KCNK2: variants seen among roughly 807,000 people sequenced by gnomAD.
KCNK2 encodes the protein potassium channel subfamily K member 2.
Under a neutral mutation model 40.5 loss-of-function variants are expected in KCNK2, and 21 were observed. That is an observed-to-expected ratio of 0.52 (90% CI 0.37 to 0.75). The LOEUF (loss-of-function observed/expected upper bound fraction) is 0.75, where lower values mean the gene tolerates loss of function less well. Among genes scored for constraint, KCNK2 ranks in the 30% least tolerant of loss-of-function variants. KCNK2 has a pLI of 0.00. For missense variants in KCNK2, 399 were observed against 531.6 expected (o/e 0.75, Z 2.45); for synonymous variants, 191 against 202.2 (o/e 0.94, Z 0.47).
At chr1:215,020,104 T>G (rs1447778984) in intron 1 of KCNK2, among the ~76,000 whole-genome samples, 3 of 152,190 alleles carry the variant, frequency 2.0e-5, no homozygotes, top group Admixed American at 2.0e-4. Flanking sequence ...TTCTACCATT[T>G]CTGCCAAACC....
Position 215,235,251 on chromosome 1 carries a change from G to A in KCNK2, c.*106G>A. On this transcript the variant is annotated 3_prime_UTR_variant, in exon 7 of 7. Coordinates refer to ENST00000444842, the MANE Select transcript of KCNK2 (RefSeq NM_001017425.3). ...TTAAATTGTGCATGAGCTCAAAGGG[G>A]GAACAAAATAGATACACCCATCATG... 1 of 906,514 alleles carries A rather than the reference G, an allele frequency of 1.1e-6. No individual in the cohort carries two copies. Among genetic ancestry groups the A allele is most frequent in the Non-Finnish European group, 1.7e-6 (1 of 602,008 alleles). The allele number at this position is 906,514 out of a possible 1,614,324, so 56.2% of individuals were successfully genotyped here.
rs138414671 is a variant in KCNK2 at position 215,109,566 on chromosome 1, T to TTG, written c.358-15050_358-15049dup. The stretch of plus-strand genomic sequence containing the variant: ...ATTCTTTTTCATTGTTGAGTATTAT[T>TTG]TGTGTGTGTGTGTGTGTGCGTGCAT... On this transcript the variant is annotated intron_variant, in intron 2 of 6. Coordinates refer to ENST00000444842, the MANE Select transcript of KCNK2 (RefSeq NM_001017425.3). 2.8e-3 allele frequency among the ~76,000 whole-genome samples: 421 copies of TTG among 150,050 alleles called. 3 individuals carry two copies. The highest frequency in any genetic ancestry group is 8.7e-3 in the African/African-American group (359 of 41,120).
At chr1:215,060,270 G>A (rs772406220) in intron 1 of KCNK2, among the ~76,000 whole-genome samples, 55 of 152,234 alleles carry the variant, frequency 3.6e-4, no homozygotes, top group Middle Eastern at 3.4e-3. Context: ...AGGAGTCAAG[G>A]GGAGATGCTA....
chr1:215,045,075 T>C (rs1657721137), intron 1 of KCNK2, among the ~76,000 whole-genome samples: 1 of 151,928 alleles, frequency 6.6e-6, no homozygotes, highest in East Asian at 1.9e-4. Context: ...CCCAGCTTAC[T>C]CCTGAGGCTG....
chr1:215,201,880 C>T (rs1310106255), intron 6 of KCNK2, among the ~76,000 whole-genome samples: 1 of 151,986 alleles, frequency 6.6e-6, no homozygotes, highest in Non-Finnish European at 1.5e-5. Flanking sequence ...TTTCTTCTTC[C>T]CACCCTCCAT....
intron 3 of KCNK2, 83 bp downstream of exon 3, chr1:215,124,833 G>C (rs1266908068): frequency 1.5e-5 from 12 of 820,048 alleles, no homozygotes; most frequent in Non-Finnish European, 2.3e-5. Context: ...TGTATAGTTG[G>C]GCAAAATGAT....
intron 6 of KCNK2, among the ~76,000 whole-genome samples, chr1:215,220,403 T>G (rs1488560876): frequency 1.3e-5 from 2 of 152,186 alleles, no homozygotes; most frequent in East Asian, 1.9e-4. Flanking sequence ...CTGCTTGGTT[T>G]CTGACACTAT....
intron 3 of KCNK2, among the ~76,000 whole-genome samples, chr1:215,140,601 G>T (rs1662130712): frequency 6.6e-6 from 1 of 152,102 alleles, no homozygotes; most frequent in African/African-American, 2.4e-5. Context: ...CCTAAACATA[G>T]AAAAGATGCA....
intron 3 of KCNK2, among the ~76,000 whole-genome samples, chr1:215,163,040 T>C (rs1420203217): frequency 2.0e-5 from 3 of 152,222 alleles, no homozygotes; most frequent in African/African-American, 7.2e-5. Flanking sequence ...TTTCACAATA[T>C]TGATTCTTCC....
At chr1:215,030,199 C>T (rs1354992400) in intron 1 of KCNK2, among the ~76,000 whole-genome samples, 1 of 152,184 alleles carries the variant, frequency 6.6e-6, no homozygotes, top group Admixed American at 6.5e-5. Context: ...ATTTGTGTAT[C>T]TTCTCTGATG....
At chr1:215,133,063 G>A (rs1330221181) in intron 3 of KCNK2, among the ~76,000 whole-genome samples, 1 of 152,054 alleles carries the variant, frequency 6.6e-6, no homozygotes, top group Non-Finnish European at 1.5e-5. Flanking sequence ...TTTGGTAACA[G>A]GAGAAAACAT....
rs1408770204 is a variant in KCNK2, at chr1:215,124,745, C to G, written c.470C>G (p.Thr157Ser). 2 of 1,563,508 alleles carry G rather than the reference C, an allele frequency of 1.3e-6. No homozygotes were observed. The highest frequency in any genetic ancestry group is 1.8e-6 in the Non-Finnish European group (2 of 1,134,236). Residue 157 changes from threonine to serine, a missense_variant, in exon 3 of 7, where the codon ACC (threonine) becomes AGC (serine). By Grantham distance (58) the Thr-to-Ser change is moderately conservative. This residue lies in a region of KCNK2 where 279 missense variants were observed against 353.8 expected (regional missense o/e 0.79). Coordinates refer to ENST00000444842, the MANE Select transcript of KCNK2 (RefSeq NM_001017425.3). Reference sequence around the variant, plus strand: ...TTCTTTGCTGGCACTGTTATTACAACCATAGGTAGGAGACAACTTATTTTT... The same window carrying G: ...TTCTTTGCTGGCACTGTTATTACAAGCATAGGTAGGAGACAACTTATTTTT... ...SFFFAGTVIT[T>S]IGFGNISPRT...
At chr1:215,109,188 A>G (rs970254336) in intron 2 of KCNK2, among the ~76,000 whole-genome samples, 1 of 152,022 alleles carries the variant, frequency 6.6e-6, no homozygotes, top group African/African-American at 2.4e-5. Context: ...AGTGTCTATC[A>G]TTTTTGTGTG....
intron 3 of KCNK2, among the ~76,000 whole-genome samples, chr1:215,132,460 T>G (rs2102590860): frequency 6.6e-6 from 1 of 152,238 alleles, no homozygotes; most frequent in East Asian, 1.9e-4. Flanking sequence ...TGAGGTTCTC[T>G]CAGGCAGCTT....
chr1:215,076,921 G>C (rs898121629), intron 1 of KCNK2, among the ~76,000 whole-genome samples: 3 of 152,202 alleles, frequency 2.0e-5, no homozygotes, highest in Non-Finnish European at 4.4e-5. Flanking sequence ...TATGTATGTG[G>C]CTTAAGGTGT....
rs150999587 is a variant in KCNK2 at position 215,151,702 on chromosome 1, T to C, written c.476-17497T>C. 8.3e-4 allele frequency among the ~76,000 whole-genome samples: 127 copies of C among 152,256 alleles called. 1 individual carries two copies. Among genetic ancestry groups the C allele is most frequent in the African/African-American group, 2.9e-3 (121 of 41,590 alleles). On this transcript the variant is annotated intron_variant, in intron 3 of 6. Coordinates refer to ENST00000444842, the MANE Select transcript of KCNK2 (RefSeq NM_001017425.3). ...TTTGGAACTTTCGTTTGTAATTTTA[T>C]CCATACAGTACTTTCATATTATTGT... is the stretch of plus-strand genomic sequence containing the variant.
chr1:215,177,740 A>ATATTTTTT (rs71167812), intron 5 of KCNK2, among the ~76,000 whole-genome samples: 4,081 of 101,442 alleles, frequency 0.04, 136 homozygotes, highest in Middle Eastern at 0.076. Context: ...ATATATATAT[A>ATATTTTTT]TTTTTTTTTT....
At chr1:215,219,932 G>A (rs2102698748) in intron 6 of KCNK2, among the ~76,000 whole-genome samples, 1 of 152,244 alleles carries the variant, frequency 6.6e-6, no homozygotes, top group Middle Eastern at 3.4e-3. Flanking sequence ...CACATTAGAT[G>A]TTCCAGACTC....
intron 1 of KCNK2, among the ~76,000 whole-genome samples, chr1:215,056,845 C>T (rs1658187881): frequency 6.6e-6 from 1 of 152,072 alleles, no homozygotes; most frequent in African/African-American, 2.4e-5. Context: ...ATCCTGCTTA[C>T]TATCCCAGAA....
Sources: gnomAD v4.1 joint callset for allele counts (sites outside exome capture counted in the v4.1 genomes callset) on GRCh38, gnomAD v4.1.1 for gene constraint, gnomAD v4.1.1 regional missense constraint, MANE v1.5 for transcripts, NCBI Gene and HGNC (gene_info 2026-07-23, HGNC 2026-07-21) for gene names.